The following TEX11 variants were observed in gnomAD, a reference collection of about 807,000 sequenced individuals.
TEX11 encodes the protein testis-expressed protein 11.
A neutral mutation model predicts 84.4 loss-of-function variants in TEX11; 7 were observed. The ratio of observed to expected loss-of-function variants is 0.08; its 90% CI spans 0.05 to 0.16. The LOEUF (loss-of-function observed/expected upper bound fraction) is 0.16, where lower values mean the gene tolerates loss of function less well. TEX11 is among the 10% of genes least tolerant of loss of function. TEX11 has a pLI of 1.00. For synonymous variants in TEX11, 264 were observed against 222.8 expected (o/e 1.18, Z -1.64); for missense variants, 551 against 660.5 (o/e 0.83, Z 1.82).
intron 18 of TEX11, among the ~76,000 whole-genome samples, chrX:70,626,572 G>A (rs1163588593): frequency 9.0e-6 from 1 of 111,046 alleles, no homozygotes; most frequent in African/African-American, 3.3e-5. Flanking sequence ...ATTCCATGGA[G>A]ACTAATTATA....
intron 25 of TEX11, among the ~76,000 whole-genome samples, chrX:70,564,952 T>C (rs1171182114): frequency 1.8e-5 from 2 of 109,021 alleles, no homozygotes; most frequent in Non-Finnish European, 3.8e-5. Flanking sequence ...ATGGTATTTC[T>C]AGTTCTAGAT....
chrX:70,546,615 A>G (rs1474701852), intron 28 of TEX11, among the ~76,000 whole-genome samples: 1 of 111,680 alleles, frequency 9.0e-6, no homozygotes, highest in East Asian at 2.8e-4. Flanking sequence ...ACGAACAGTC[A>G]ATAAGTACAT....
chrX:70,640,614 T>C (rs1368187212), intron 17 of TEX11, among the ~76,000 whole-genome samples: 3 of 109,183 alleles, frequency 2.7e-5, no homozygotes, highest in Admixed American at 2.0e-4. Context: ...GGACCAATAT[T>C]CAACATTCTT....
chrX:70,760,679 C>T (rs1196503580), intron 9 of TEX11, among the ~76,000 whole-genome samples: 1 of 111,709 alleles, frequency 9.0e-6, no homozygotes, highest in Non-Finnish European at 1.9e-5. Context: ...TAGGCAATAC[C>T]ATTCAGGACA....
At chrX:70,711,276 T>C (rs1305055980) in intron 13 of TEX11, among the ~76,000 whole-genome samples, 2 of 111,705 alleles carry the variant, frequency 1.8e-5, no homozygotes, top group African/African-American at 6.5e-5. Context: ...TAGAGCAGCA[T>C]GATTTATAAT....
intron 11 of TEX11, among the ~76,000 whole-genome samples, chrX:70,740,318 C>T (rs1234063735): frequency 9.0e-6 from 1 of 111,266 alleles, no homozygotes; most frequent in East Asian, 2.8e-4. Flanking sequence ...AGTGCCTTCT[C>T]ATGTCCTCAC....
intron 17 of TEX11, among the ~76,000 whole-genome samples, chrX:70,638,971 C>T (rs12008821): frequency 0.01 from 1,133 of 109,878 alleles, 14 homozygotes; most frequent in African/African-American, 0.034. Flanking sequence ...ACGCAGAAGA[C>T]GGGTGATTTC....
chrX:70,900,501 C>T (rs1270317553), intron 2 of TEX11, among the ~76,000 whole-genome samples: 1 of 109,874 alleles, frequency 9.1e-6, no homozygotes, highest in African/African-American at 3.3e-5. Context: ...ACTATGAGTG[C>T]CTACATCAAA....
intron 25 of TEX11, among the ~76,000 whole-genome samples, chrX:70,576,469 T>C (rs1261867903): frequency 3.6e-5 from 4 of 112,549 alleles, no homozygotes; most frequent in Admixed American, 9.5e-5. Flanking sequence ...AAGTACTATG[T>C]ATTCATTGAA....
At chrX:70,633,591 T>C in intron 17 of TEX11, among the ~76,000 whole-genome samples, 1 of 112,201 alleles carries the variant, frequency 8.9e-6, no homozygotes, top group Non-Finnish European at 1.9e-5. Flanking sequence ...AGTGAAATTA[T>C]CTTTACCCAC....
chrX:70,822,555 C>T (rs941445661), intron 8 of TEX11, among the ~76,000 whole-genome samples: 1 of 110,832 alleles, frequency 9.0e-6, no homozygotes, highest in African/African-American at 3.3e-5. Flanking sequence ...TATCTATATA[C>T]ACACACACAC....
chrX:70,718,549 A>T (rs1222853271), intron 13 of TEX11, among the ~76,000 whole-genome samples: 1 of 112,330 alleles, frequency 8.9e-6, no homozygotes, highest in Non-Finnish European at 1.9e-5. Flanking sequence ...ATATTCACCA[A>T]AAAGGTCAGT....
At chrX:70,894,319 A>G (rs1442363947) in intron 2 of TEX11, among the ~76,000 whole-genome samples, 1 of 110,729 alleles carries the variant, frequency 9.0e-6, no homozygotes, top group Non-Finnish European at 1.9e-5. Flanking sequence ...CTGATGCAAA[A>G]ATCCTTAATA....
intron 7 of TEX11, among the ~76,000 whole-genome samples, chrX:70,847,809 G>T (rs759232247): frequency 1.9e-4 from 21 of 111,755 alleles, no homozygotes; most frequent in African/African-American, 6.8e-4. Flanking sequence ...CTCCCAAAGT[G>T]CTGGGATTAC....
chrX:70,874,395 CT>C (rs34210812), intron 3 of TEX11, among the ~76,000 whole-genome samples: 5,398 of 47,874 alleles, frequency 0.11, 209 homozygotes, highest in East Asian at 0.33. Flanking sequence ...TGATGACTTC[CT>C]TTTTTTTTTT....
At chrX:70,677,421 T>C (rs1178368218) in intron 15 of TEX11, among the ~76,000 whole-genome samples, 1 of 111,762 alleles carries the variant, frequency 8.9e-6, no homozygotes, top group Non-Finnish European at 1.9e-5. Flanking sequence ...TTCCCGCTAA[T>C]ATTTTTAGAT....
intron 13 of TEX11, among the ~76,000 whole-genome samples, chrX:70,713,557 A>G (rs1285694502): frequency 8.9e-6 from 1 of 111,849 alleles, no homozygotes; most frequent in Non-Finnish European, 1.9e-5. Flanking sequence ...CATTTCTTCT[A>G]GATTTTCTAG....
chrX:70,682,854 T>A, intron 13 of TEX11, 29 bp from the exon 14 acceptor site: 2 of 1,191,199 alleles, frequency 1.7e-6, no homozygotes, highest in Non-Finnish European at 2.3e-6. Context: ...TTTTAAGCAA[T>A]GCGAACAGAA....
At chrX:70,615,320 A>G (rs927887420) in intron 20 of TEX11, among the ~76,000 whole-genome samples, 1 of 111,642 alleles carries the variant, frequency 9.0e-6, no homozygotes, top group African/African-American at 3.3e-5. Flanking sequence ...TCAGAACTCT[A>G]TCACATAAAT....
Sources: allele counts gnomAD v4.1 joint callset (sites outside exome capture counted in the v4.1 genomes callset), GRCh38; gene constraint gnomAD v4.1.1; transcripts MANE v1.5; gene names NCBI Gene and HGNC (gene_info 2026-07-23, HGNC 2026-07-21).